The following IL1RAPL2 variants were observed in gnomAD, a reference collection of about 807,000 sequenced individuals.
The protein encoded by IL1RAPL2 is X-linked interleukin-1 receptor accessory protein-like 2.
IL1RAPL2 carries 3 observed loss-of-function variants against 44.1 expected under a neutral mutation model. That is an observed-to-expected ratio of 0.07 (90% CI 0.03 to 0.18). The LOEUF is 0.18. Ranked by LOEUF, IL1RAPL2 falls within the 10% of genes least tolerant of loss-of-function variation. The pLI, the probability that IL1RAPL2 is intolerant of heterozygous loss-of-function variation, is 1.00. For missense variants in IL1RAPL2, 391 were observed against 496.4 expected, an observed-to-expected ratio of 0.79 and a Z score of 2.02; for synonymous variants, 181 against 178.8, an observed-to-expected ratio of 1.01 and a Z score of -0.10.
chrX:104,680,762 G>T (rs755021327), intron 2 of IL1RAPL2, among the ~76,000 whole-genome samples: 1 of 111,847 alleles, frequency 8.9e-6, no homozygotes, highest in Admixed American at 9.5e-5. Flanking sequence ...TGAAATGAGG[G>T]CAGTCTACTT....
intron 5 of IL1RAPL2, among the ~76,000 whole-genome samples, chrX:105,344,564 C>G (rs995631869): frequency 2.7e-5 from 3 of 111,871 alleles, no homozygotes; most frequent in Non-Finnish European, 5.6e-5. Flanking sequence ...ATTCCTATCC[C>G]TCATACAGAT....
intron 2 of IL1RAPL2, among the ~76,000 whole-genome samples, chrX:104,859,572 G>A (rs1187542413): frequency 9.0e-6 from 1 of 111,704 alleles, no homozygotes; most frequent in Non-Finnish European, 1.9e-5. Context: ...ACAATCCCTG[G>A]ATCCCAATTA....
chrX:105,272,635 G>T (rs1489573684), intron 5 of IL1RAPL2, among the ~76,000 whole-genome samples: 1 of 112,389 alleles, frequency 8.9e-6, no homozygotes. Context: ...ATACTTCAAA[G>T]ATTTGCTGCT....
At chrX:105,247,240 G>T (rs1293819861) in intron 4 of IL1RAPL2, among the ~76,000 whole-genome samples, 2 of 110,416 alleles carry the variant, frequency 1.8e-5, no homozygotes, top group African/African-American at 6.6e-5. Flanking sequence ...CTCACAGAGG[G>T]TCACTTATCC....
intron 2 of IL1RAPL2, among the ~76,000 whole-genome samples, chrX:105,121,234 T>A (rs774421668): frequency 8.9e-6 from 1 of 112,098 alleles, no homozygotes; most frequent in Non-Finnish European, 1.9e-5. Context: ...AAGAGAAATA[T>A]AAATATTGAA....
chrX:104,775,566 G>T (rs1398433680), intron 2 of IL1RAPL2, among the ~76,000 whole-genome samples: 1 of 111,554 alleles, frequency 9.0e-6, no homozygotes, highest in East Asian at 2.8e-4. Context: ...TTAAATGTTG[G>T]CTTTAATAGA....
chrX:104,660,168 GT>G (rs1013756094), intron 2 of IL1RAPL2, among the ~76,000 whole-genome samples: 1 of 111,277 alleles, frequency 9.0e-6, no homozygotes, highest in Non-Finnish European at 1.9e-5. Context: ...CTGAATTTGT[GT>G]TTAATATTTT....
intron 2 of IL1RAPL2, among the ~76,000 whole-genome samples, chrX:104,677,840 G>C (rs1001472365): frequency 1.8e-5 from 2 of 112,063 alleles, no homozygotes; most frequent in African/African-American, 6.5e-5. Context: ...CGGTATTCGG[G>C]TGGGAGTGAC....
chrX:105,190,766 CT>C (rs1339252855), intron 2 of IL1RAPL2, among the ~76,000 whole-genome samples: 1 of 112,272 alleles, frequency 8.9e-6, no homozygotes, highest in Non-Finnish European at 1.9e-5. Flanking sequence ...ACTCAATGTT[CT>C]TTTTTTCTAA....
At chrX:104,785,560 C>A (rs1932794140) in intron 2 of IL1RAPL2, among the ~76,000 whole-genome samples, 1 of 111,394 alleles carries the variant, frequency 9.0e-6, no homozygotes, top group African/African-American at 3.3e-5. Context: ...AGTCTTCCTT[C>A]TGCCCTCAGT....
intron 2 of IL1RAPL2, among the ~76,000 whole-genome samples, chrX:104,906,165 AC>A (rs1441502238): frequency 1.8e-5 from 2 of 111,024 alleles, no homozygotes; most frequent in Non-Finnish European, 3.8e-5. Flanking sequence ...GTATCCTGAG[AC>A]TTTGCTGAAG....
At chrX:105,287,189 G>T (rs1333394761) in intron 5 of IL1RAPL2, among the ~76,000 whole-genome samples, 2 of 111,938 alleles carry the variant, frequency 1.8e-5, no homozygotes, top group Admixed American at 9.5e-5. Flanking sequence ...GTGAGATCAG[G>T]AAAGGCTTCT....
intron 5 of IL1RAPL2, among the ~76,000 whole-genome samples, chrX:105,280,032 T>G (rs755373272): frequency 8.9e-6 from 1 of 111,941 alleles, no homozygotes; most frequent in South Asian, 3.7e-4. Context: ...CAAACTCTAC[T>G]ACAAGGCTAC....
At chrX:105,186,569 C>T (rs61513234) in intron 2 of IL1RAPL2, among the ~76,000 whole-genome samples, 2,440 of 111,239 alleles carry the variant, frequency 0.022, 56 homozygotes, top group African/African-American at 0.076. Flanking sequence ...ACAGACACTT[C>T]GATAGGGTAG....
At chrX:105,451,021 G>A (rs918133480) in intron 5 of IL1RAPL2, among the ~76,000 whole-genome samples, 2 of 108,217 alleles carry the variant, frequency 1.8e-5, no homozygotes, top group African/African-American at 6.8e-5. Context: ...TTAATTAATG[G>A]CATTGCTAAT....
chrX:104,973,496 AC>A (rs1426194940), intron 2 of IL1RAPL2, among the ~76,000 whole-genome samples: 2 of 111,490 alleles, frequency 1.8e-5, no homozygotes, highest in African/African-American at 6.5e-5. Flanking sequence ...AGAAGAAAAA[AC>A]TCACAGGAGC....
intron 5 of IL1RAPL2, among the ~76,000 whole-genome samples, chrX:105,343,900 T>G (rs2035090550): frequency 9.1e-6 from 1 of 110,160 alleles, no homozygotes; most frequent in Non-Finnish European, 1.9e-5. Flanking sequence ...TTTTCTTTCT[T>G]TTTTTCATGA....
chrX:105,644,011 C>T (rs952397019), intron 6 of IL1RAPL2, among the ~76,000 whole-genome samples: 5 of 111,432 alleles, frequency 4.5e-5, no homozygotes, highest in African/African-American at 1.6e-4. Flanking sequence ...CATGCCTCAG[C>T]CTCCTGAGTA....
chrX:105,307,912 C>A (rs1311626260), intron 5 of IL1RAPL2, among the ~76,000 whole-genome samples: 2 of 107,308 alleles, frequency 1.9e-5, no homozygotes, highest in East Asian at 5.8e-4. Context: ...CTGTTCAAAG[C>A]TCATTTTATG....
Sources: allele counts gnomAD v4.1 joint callset (sites outside exome capture counted in the v4.1 genomes callset), GRCh38; gene constraint gnomAD v4.1.1; transcripts MANE v1.5; gene names NCBI Gene and HGNC (gene_info 2026-07-23, HGNC 2026-07-21).